Variants in PCYT1B observed in about 807,000 individuals in gnomAD.
PCYT1B encodes phosphate cytidylyltransferase 1B, choline.
A neutral mutation model predicts 26.4 loss-of-function variants in PCYT1B; 10 were observed. The ratio of observed to expected loss-of-function variants is 0.38; its 90% confidence interval spans 0.23 to 0.64. The LOEUF (loss-of-function observed/expected upper bound fraction) is 0.64, where lower values mean the gene tolerates loss of function less well. Among genes scored for constraint, PCYT1B ranks in the 30% least tolerant of loss-of-function variants. The pLI is 0.56. For missense variants in PCYT1B, 161 were observed against 292.7 expected, an observed-to-expected ratio of 0.55 and a Z score of 3.28; for synonymous variants, 131 against 108.4, an observed-to-expected ratio of 1.21 and a Z score of -1.29.
intron 3 of PCYT1B, among the ~76,000 whole-genome samples, chrX:24,602,632 A>T (rs1925003432): frequency 9.0e-6 from 1 of 111,160 alleles, no homozygotes; most frequent in South Asian, 3.8e-4. Flanking sequence ...AAAGGAGTAT[A>T]CAAGGATTCG....
chrX:24,562,393 G>T lies in PCYT1B; in HGVS notation c.1010C>A (p.Thr337Asn). Residue 337 changes from threonine (T) to asparagine (N), a missense_variant, in exon 8 of 8, where the codon ACC (threonine) becomes AAC (asparagine). Physicochemically the swap from Thr to Asn is moderately conservative, Grantham distance 65. Coordinates refer to ENST00000379144, the MANE Select transcript of PCYT1B (RefSeq NM_004845.5). ...SRSPSRSPSP[T>N]FSWLPLKTSP... is the part of the protein sequence containing the mutation. ...GGTTTTGAGTGGAAGCCATGAGAAG[G>T]TGGGCGATGGGGAGCGGGAAGGGGA... The T allele has an allele frequency of 8.4e-7, 1 of 1,186,159 alleles. No individual in the cohort carries two copies. The highest frequency in any genetic ancestry group is 1.1e-6 in the Non-Finnish European group (1 of 883,618).
At chrX:24,670,105 A>AAGG (rs1569261891) in intron 1 of PCYT1B, among the ~76,000 whole-genome samples, 450 of 24,058 alleles carry the variant, frequency 0.019, 2 homozygotes, top group Admixed American at 0.025. Context: ...AGAAAGAAAG[A>AAGG]AAGAAAGAAA....
intron 7 of PCYT1B, among the ~76,000 whole-genome samples, chrX:24,567,708 T>G (rs1317968235): frequency 1.8e-5 from 2 of 111,728 alleles, no homozygotes; most frequent in African/African-American, 6.5e-5. Context: ...TCCAGCACTT[T>G]AGGAGGCTGA....
rs1396611114 is a variant in PCYT1B, at chrX:24,561,843, A to G, written c.*450T>C. 1 of 392,203 alleles carries G rather than the reference A, an allele frequency of 2.5e-6. No individual in the cohort carries two copies. Among genetic ancestry groups the G allele is most frequent in the African/African-American group, 2.5e-5 (1 of 39,529 alleles). The allele number at this position is 392,203 out of a possible 1,213,427, so 32.3% of individuals were successfully genotyped here. A position where few individuals can be genotyped will look rare whatever the true frequency, so the allele number is the denominator to read the frequency against. ...ATTTCAGAAGCACTTTGCCACCTCT[A>G]TTGGAAACAATTTTATTCTGGCAGA... On this transcript the variant is annotated 3_prime_UTR_variant, in exon 8 of 8. Transcript: ENST00000379144.
Position 24,637,509 on chromosome X carries a change from T to TAA in PCYT1B, c.117+9479_117+9480insTT, listed in dbSNP as rs1555963552. On this transcript the variant is annotated intron_variant, in intron 1 of 7. Transcript: ENST00000379144. ...AAAAAAAAATATATATATATATATATATAAATTAGCTGAGCGTGGTGGCGT... is the reference window on the plus strand; with the variant it reads ...AAAAAAAAATATATATATATATATATAAATAAATTAGCTGAGCGTGGTGGCGT... Among the ~76,000 whole-genome samples, 38 of 64,070 alleles carry TAA rather than the reference T, an allele frequency of 5.9e-4. 5 individuals are homozygous for TAA. The highest frequency in any genetic ancestry group is 2.9e-3 in the African/African-American group (29 of 10,143). 55.6% of individuals were successfully genotyped at this position (64,070 alleles called of 115,157 possible). A position where few individuals can be genotyped will look rare whatever the true frequency, so the allele number is the denominator to read the frequency against.
At chrX:24,670,089 AAAGAAAGAAAGAAAGAAAGAAAGAAAGG>A (rs1174078920) in intron 1 of PCYT1B, among the ~76,000 whole-genome samples, 36 of 91,200 alleles carry the variant, frequency 3.9e-4, no homozygotes, top group Admixed American at 1.2e-3. Context: ...AGAAAGAAAG[AAAGAAAGAAAGAAAGAAAGAAAGAAAGG>A]AAGGAAGGAA....
At position 24,646,773 on chromosome X, in the gene PCYT1B, C is replaced by T. The variant is rs192283143; in HGVS notation, c.117+216G>A. 5.4e-5 allele frequency among the ~76,000 whole-genome samples: 6 copies of T among 111,461 alleles called. No homozygotes were observed. In the East Asian group the frequency reaches 1.7e-3, roughly 31 times the overall value. ...AAAACACAGCATATCCCAAGCAGCC[C>T]GTTTCCTACCCAGCCAATACAATAA... On this transcript the variant is annotated intron_variant, in intron 1 of 7. Transcript: ENST00000379144.
intron 1 of PCYT1B, among the ~76,000 whole-genome samples, chrX:24,668,004 A>G (rs746357607): frequency 2.7e-5 from 3 of 112,326 alleles, no homozygotes; most frequent in Non-Finnish European, 3.8e-5. Context: ...ACATGGCATT[A>G]ATGTTTGCTA....
intron 3 of PCYT1B, among the ~76,000 whole-genome samples, chrX:24,595,701 GA>G (rs1437924210): frequency 9.1e-6 from 1 of 110,365 alleles, no homozygotes; most frequent in Non-Finnish European, 1.9e-5. Flanking sequence ...CCAACATGGT[GA>G]AACCCCGTCT....
chrX:24,651,454 CAAAA>C (rs1188690484), upstream of PCYT1B, among the ~76,000 whole-genome samples: 32 of 11,051 alleles, frequency 2.9e-3, 2 homozygotes, highest in Admixed American at 8.7e-3. Context: ...GATGCCATCT[CAAAA>C]AAAAAAAAAA....
chrX:24,567,805 T>C (rs999378377), intron 7 of PCYT1B, among the ~76,000 whole-genome samples: 1 of 110,259 alleles, frequency 9.1e-6, no homozygotes, highest in African/African-American at 3.3e-5. Flanking sequence ...AAAAATTACC[T>C]GGGCATGGTG....
intron 7 of PCYT1B, among the ~76,000 whole-genome samples, chrX:24,564,105 C>T (rs1923532095): frequency 9.1e-6 from 1 of 109,622 alleles, no homozygotes; most frequent in South Asian, 4.1e-4. Flanking sequence ...CCACTTGAAC[C>T]CAGAAGGTGG....
chrX:24,659,530 A>G (rs143394058), intron 1 of PCYT1B, among the ~76,000 whole-genome samples: 161 of 112,083 alleles, frequency 1.4e-3, no homozygotes, highest in African/African-American at 5.1e-3. Flanking sequence ...CCTATTCTTG[A>G]CAAAGAGTGT....
intron 1 of PCYT1B, 70 bp from the exon 2 acceptor site, chrX:24,619,154 T>TAG: frequency 1.4e-6 from 1 of 725,138 alleles, no homozygotes; most frequent in Non-Finnish European, 2.2e-6. Flanking sequence ...CCTCTGAAGT[T>TAG]TTATTCCTGT....
Position 24,575,296 on chromosome X carries a change from T to C in PCYT1B, c.731A>G (p.Asn244Ser). The part of the protein sequence containing the change: ...FINEKRYRFQ[N>S]QVDKMKEKVK... Reference sequence around the variant, plus strand: ...TTTTTCCTTCATTTTGTCCACTTGGTTCTGGAAACGGTACCTCTTCTCCTG... The same window carrying C: ...TTTTTCCTTCATTTTGTCCACTTGGCTCTGGAAACGGTACCTCTTCTCCTG... Residue 244 changes from asparagine (N) to serine (S), a missense_variant, in exon 7 of 8, where the codon AAC becomes AGC. By Grantham distance (46) the Asn-to-Ser change is conservative (BLOSUM62 1). Transcript: ENST00000379144. The C allele has an allele frequency of 8.4e-7, 1 of 1,192,903 alleles. No individual in the cohort carries two copies. Among genetic ancestry groups the C allele is most frequent in the Non-Finnish European group, 1.1e-6 (1 of 887,306 alleles).
intron 6 of PCYT1B, among the ~76,000 whole-genome samples, chrX:24,577,674 G>A (rs1466915706): frequency 8.9e-6 from 1 of 111,996 alleles, no homozygotes; most frequent in Non-Finnish European, 1.9e-5. Context: ...CTCCTATTTT[G>A]AAGGTACCAA....
intron 2 of PCYT1B, among the ~76,000 whole-genome samples, chrX:24,618,110 A>G (rs1284696635): frequency 9.0e-6 from 1 of 111,600 alleles, no homozygotes; most frequent in African/African-American, 3.3e-5. Flanking sequence ...CTTGAAAAAC[A>G]GATGGTACCT....
chrX:24,591,748 C>A (rs999157991), intron 3 of PCYT1B, among the ~76,000 whole-genome samples: 1 of 111,659 alleles, frequency 9.0e-6, no homozygotes, highest in Non-Finnish European at 1.9e-5. Flanking sequence ...GTTAAGTGTA[C>A]AATATGTGTT....
chrX:24,670,879 G>A (rs1416020276), intron 1 of PCYT1B, among the ~76,000 whole-genome samples: 5 of 111,454 alleles, frequency 4.5e-5, no homozygotes, highest in Non-Finnish European at 9.4e-5. Context: ...ATCAGAATAC[G>A]GAGTGATATT....
Sources: allele counts gnomAD v4.1 joint callset (sites outside exome capture counted in the v4.1 genomes callset), GRCh38; gene constraint gnomAD v4.1.1; transcripts MANE v1.5; gene names NCBI Gene and HGNC (gene_info 2026-07-23, HGNC 2026-07-21).